The following MAP3K7 variants were observed in gnomAD, a reference collection of about 807,000 sequenced individuals.
MAP3K7 encodes the protein mitogen-activated protein kinase kinase kinase 7, also known as TGF-beta activated kinase 1.
In MAP3K7, 21 loss-of-function variants were observed where a neutral mutation model predicts 84.8. The ratio of observed to expected loss-of-function variants is 0.25; its 90% CI spans 0.18 to 0.36. MAP3K7 has a LOEUF of 0.36. Ranked by LOEUF, MAP3K7 falls within the 10% of genes least tolerant of loss-of-function variation. MAP3K7 has a pLI of 1.00. For missense variants in MAP3K7, 503 were observed against 747.7 expected (o/e 0.67, Z 3.82); for synonymous variants, 241 against 247.7 (o/e 0.97, Z 0.25).
intron 13 of MAP3K7, among the ~76,000 whole-genome samples, chr6:90,532,329 C>G (rs1051621629): frequency 6.6e-6 from 1 of 152,070 alleles, no homozygotes; most frequent in Non-Finnish European, 1.5e-5. Flanking sequence ...ATATCAAGAG[C>G]CCGGTGAGGC....
intron 12 of MAP3K7, among the ~76,000 whole-genome samples, chr6:90,541,568 T>G (rs372638785): frequency 1.3e-5 from 2 of 152,010 alleles, no homozygotes; most frequent in East Asian, 1.9e-4. Context: ...GTACAAAAGT[T>G]TGTCAGTTCT....
At chr6:90,554,412 C>T (rs998141987) in intron 6 of MAP3K7, among the ~76,000 whole-genome samples, 1 of 152,140 alleles carries the variant, frequency 6.6e-6, no homozygotes, top group Non-Finnish European at 1.5e-5. Flanking sequence ...GCAAAATTTA[C>T]AAACTAAGTA....
At chr6:90,538,508 C>T (rs758362817) in intron 12 of MAP3K7, among the ~76,000 whole-genome samples, 2 of 151,802 alleles carry the variant, frequency 1.3e-5, no homozygotes, top group Non-Finnish European at 2.9e-5. Context: ...GAATCTGAAA[C>T]CTGCATATGC....
At chr6:90,532,622 G>T (rs1352890536) in intron 13 of MAP3K7, among the ~76,000 whole-genome samples, 2 of 152,156 alleles carry the variant, frequency 1.3e-5, no homozygotes, top group South Asian at 2.1e-4. Context: ...TCCTCTAAGA[G>T]AATTCTTGAA....
chr6:90,578,712 G>C (rs1777168056), intron 1 of MAP3K7, among the ~76,000 whole-genome samples: 1 of 152,122 alleles, frequency 6.6e-6, no homozygotes, highest in East Asian at 1.9e-4. Flanking sequence ...CCCCCATTCT[G>C]ATATTAGCTC....
rs375134124 is a variant in MAP3K7 at position 90,560,105 on chromosome 6, C to A, written c.453G>T (p.Ala151=). The A allele has an allele frequency of 6.2e-7, 1 of 1,614,122 alleles. No homozygotes were observed. Among genetic ancestry groups the A allele is most frequent in the Non-Finnish European group, 8.5e-7 (1 of 1,180,022 alleles). The part of the protein sequence containing the change: ...VAYLHSMQPK[A]LIHRDLKPPN... ...GTGGTTTCAGGTCCCTGTGAATTAG[C>A]GCTTTGGGTTGCATGCTGTGAAGAT... The change falls in exon 5 of 17, where the codon GCG becomes GCT. Residue 151 remains alanine (A), a synonymous_variant. Transcript: ENST00000369329.
chr6:90,564,585 C>T (rs1776637445), intron 3 of MAP3K7, among the ~76,000 whole-genome samples: 1 of 152,128 alleles, frequency 6.6e-6, no homozygotes, highest in African/African-American at 2.4e-5. Context: ...CCTTAGAGAC[C>T]TACAAAGAGA....
rs772970352 is a variant in MAP3K7, at chr6:90,560,191, G to A, written c.367C>T (p.Pro123Ser). The change falls in exon 5 of 17, where the codon CCA (proline) becomes TCA (serine). Residue 123 changes from proline (P) to serine (S), a missense_variant. Transcript: ENST00000369329. ...YNVLHGAEPL[P>S]YYTAAHAMSW... ...ATTGCGTGGGCAGCAGTATAATATG[G>A]CAATGGTTCAGCACCATGCAGCACT... is the stretch of plus-strand genomic sequence containing the variant. The A allele has an allele frequency of 2.5e-6, 4 of 1,614,158 alleles. No individual in the cohort carries two copies. In the South Asian group the frequency reaches 4.4e-5, roughly 18 times the overall value.
chr6:90,577,931 A>G (rs1777140904), intron 1 of MAP3K7, among the ~76,000 whole-genome samples: 1 of 152,210 alleles, frequency 6.6e-6, no homozygotes, highest in South Asian at 2.1e-4. Context: ...CACACAGACC[A>G]GAGAGCTCTC....
chr6:90,530,820 G>A (rs1775484587), intron 13 of MAP3K7, among the ~76,000 whole-genome samples: 1 of 152,080 alleles, frequency 6.6e-6, no homozygotes, highest in Non-Finnish European at 1.5e-5. Flanking sequence ...CTAGTTTGTG[G>A]CTGAATTTAT....
At chr6:90,576,358 G>A (rs1348834150) in intron 1 of MAP3K7, among the ~76,000 whole-genome samples, 1 of 151,862 alleles carries the variant, frequency 6.6e-6, no homozygotes, top group Admixed American at 6.6e-5. Flanking sequence ...GAGAGGCCGA[G>A]GTTGCAGTGA....
intron 13 of MAP3K7, among the ~76,000 whole-genome samples, chr6:90,534,971 C>T (rs1010978163): frequency 5.3e-5 from 8 of 151,948 alleles, no homozygotes; most frequent in Non-Finnish European, 7.4e-5. Context: ...GGGGAGAAAA[C>T]GGGAAACTTC....
chr6:90,587,062 C>A lies in MAP3K7; in HGVS notation c.-179G>T, dbSNP rs560929749. On this transcript the variant is annotated 5_prime_UTR_variant, in exon 1 of 17. Coordinates refer to ENST00000369329, the MANE Select transcript of MAP3K7 (RefSeq NM_145331.3). ...GCCGTGTCCGGCTCTGGCTCCGCTG[C>A]GTTTTCCGCCGACGGGCCCCGCCCA... The A allele has an allele frequency of 1.6e-4, 103 of 657,944 alleles. No homozygotes were observed. The African/African-American group carries it at 1.7e-3, about 11-fold the overall frequency. The allele number at this position is 657,944 out of a possible 1,614,324, so 40.8% of individuals were successfully genotyped here. A position where few individuals can be genotyped will look rare whatever the true frequency, so the allele number is the denominator to read the frequency against.
intron 2 of MAP3K7, among the ~76,000 whole-genome samples, chr6:90,568,981 G>T (rs1776809586): frequency 6.6e-6 from 1 of 152,184 alleles, no homozygotes; most frequent in South Asian, 2.1e-4. Flanking sequence ...CCCAGAGATG[G>T]TACTGAGCTG....
intron 3 of MAP3K7, among the ~76,000 whole-genome samples, chr6:90,564,043 T>G (rs1346786845): frequency 1.3e-5 from 2 of 152,194 alleles, no homozygotes; most frequent in Non-Finnish European, 2.9e-5. Flanking sequence ...CTACCAGGCC[T>G]GCTGAACAAG....
intron 13 of MAP3K7, among the ~76,000 whole-genome samples, 189 bp downstream of exon 13, chr6:90,536,148 T>A (rs1775667616): frequency 6.6e-6 from 1 of 152,146 alleles, no homozygotes; most frequent in African/African-American, 2.4e-5. Flanking sequence ...TAATAAATTA[T>A]CTTTCAAGTT....
chr6:90,519,826 A>G (rs890475250), intron 14 of MAP3K7, among the ~76,000 whole-genome samples: 3 of 151,960 alleles, frequency 2.0e-5, no homozygotes, highest in Non-Finnish European at 4.4e-5. Flanking sequence ...TGTGACCTCC[A>G]CCACTCATCC....
intron 13 of MAP3K7, among the ~76,000 whole-genome samples, chr6:90,532,955 T>C (rs763390139): frequency 6.6e-6 from 1 of 152,178 alleles, no homozygotes; most frequent in Non-Finnish European, 1.5e-5. Context: ...GATTAAAGTA[T>C]AGAGTTTGTG....
intron 5 of MAP3K7, 103 bp from the exon 6 acceptor site, chr6:90,556,727 G>T: frequency 1.7e-6 from 2 of 1,149,652 alleles, no homozygotes; most frequent in Non-Finnish European, 2.4e-6. Flanking sequence ...TAAGCAAAAT[G>T]AATGTTATCA....
Sources: gnomAD v4.1 joint callset for allele counts (sites outside exome capture counted in the v4.1 genomes callset) on GRCh38, gnomAD v4.1.1 for gene constraint, MANE v1.5 for transcripts, NCBI Gene and HGNC (gene_info 2026-07-23, HGNC 2026-07-21) for gene names.